EHMT1: variants seen among roughly 807,000 people sequenced by gnomAD.
EHMT1 encodes the protein euchromatic histone lysine methyltransferase 1.
EHMT1 carries 15 observed loss-of-function variants against 147.2 expected under a neutral mutation model. The observed-to-expected ratio is 0.10, with a 90% CI of 0.07 to 0.16. EHMT1 has a LOEUF of 0.16. Among genes scored for constraint, EHMT1 ranks in the 10% least tolerant of loss-of-function variants. The probability of loss-of-function intolerance (pLI) is 1.00; values close to 1 mark genes in which losing one functional copy is unlikely to be tolerated. For missense variants in EHMT1, 1,587 were observed against 1,772.4 expected (o/e 0.90, Z 1.88); for synonymous variants, 795 against 709.6 (o/e 1.12, Z -1.91).
At chr9:137,685,545 G>A (rs1483015525) in intron 1 of EHMT1, among the ~76,000 whole-genome samples, 1 of 152,166 alleles carries the variant, frequency 6.6e-6, no homozygotes, top group Non-Finnish European at 1.5e-5. Flanking sequence ...ACATGTATAT[G>A]CGAGTATCTG....
At chr9:137,677,372 G>T (rs544877828) in intron 1 of EHMT1, among the ~76,000 whole-genome samples, 1 of 152,164 alleles carries the variant, frequency 6.6e-6, no homozygotes, top group South Asian at 2.1e-4. Context: ...TGGACTCCAG[G>T]GATCTGCCTA....
At chr9:137,790,818 T>G in intron 15 of EHMT1, 30 bp from the exon 16 acceptor site, 1 of 1,614,104 alleles carries the variant, frequency 6.2e-7, no homozygotes, top group Non-Finnish European at 8.5e-7. Flanking sequence ...GTCACAGCCC[T>G]CCCATACACC....
chr9:137,666,157 C>T (rs556509568), intron 1 of EHMT1: 1 of 152,266 alleles, frequency 6.6e-6, no homozygotes, highest in African/African-American at 2.4e-5. Context: ...GTGGGGACAC[C>T]TCCTTGTCCT....
At chr9:137,683,681 C>T (rs1942176065) in intron 1 of EHMT1, among the ~76,000 whole-genome samples, 1 of 152,052 alleles carries the variant, frequency 6.6e-6, no homozygotes. Flanking sequence ...TAAATTATAC[C>T]TTTATCAGCG....
Position 137,813,182 on chromosome 9 carries a change from A to G in EHMT1, c.3035+9A>G, listed in dbSNP as rs1954630555. ...GAGAGGATAGTGAGCAGGTGAGCCC[A>G]GCCCCAGGACGGCTTTGTGGCAAAT... On this transcript the variant is annotated intron_variant, in intron 20 of 26. Coordinates refer to ENST00000460843, the MANE Select transcript of EHMT1 (RefSeq NM_024757.5). This position sits in a 1 kb window ranked among gnomAD's most constrained non-coding sequence, Gnocchi z 4.9. The G allele has an allele frequency of 6.2e-7, 1 of 1,607,698 alleles. No homozygotes were observed. The highest frequency in any genetic ancestry group is 2.2e-5 in the East Asian group (1 of 44,866).
rs1326305072 is a variant in EHMT1 at position 137,818,592 on chromosome 9, A to AGGG, written c.3540+456_3540+458dup. 1.8e-3 allele frequency among the ~76,000 whole-genome samples: 40 copies of AGGG among 21,738 alleles called. 2 individuals are homozygous for AGGG. In the East Asian group the frequency reaches 0.026, roughly 14 times the overall value. The allele number at this position is 21,738 out of a possible 152,430, so 14.3% of individuals were successfully genotyped here. On this transcript the variant is annotated intron_variant, in intron 25 of 26. Coordinates refer to ENST00000460843, the MANE Select transcript of EHMT1 (RefSeq NM_024757.5). ...ACCGAGACCGTAGAGAGGCCGATTG[A>AGGG]GGGGCGCCATGTACCGAGACCGTAG...
At chr9:137,711,396 C>G (rs529811480) in intron 2 of EHMT1, among the ~76,000 whole-genome samples, 2 of 152,260 alleles carry the variant, frequency 1.3e-5, no homozygotes, top group Non-Finnish European at 2.9e-5. Flanking sequence ...ATAAACAGAT[C>G]GTGGTACATC....
At chr9:137,783,391 C>A (rs542496870) in intron 15 of EHMT1, among the ~76,000 whole-genome samples, 1 of 152,372 alleles carries the variant, frequency 6.6e-6, no homozygotes, top group South Asian at 2.1e-4. Flanking sequence ...TGTGTGGTCA[C>A]ATTTTCAAAT....
intron 3 of EHMT1, among the ~76,000 whole-genome samples, chr9:137,724,951 C>T (rs28408931): frequency 9.1e-5 from 13 of 143,388 alleles, no homozygotes; most frequent in African/African-American, 2.4e-4. Flanking sequence ...GTGGGGCAGG[C>T]GTGTGGCATT....
At position 137,787,922 on chromosome 9, in the gene EHMT1, G is replaced by T. The variant is rs1588710022; in HGVS notation, c.2383-2926G>T. 1.3e-6 allele frequency: 2 copies of T among 1,488,766 alleles called. No individual in the cohort carries two copies. Among genetic ancestry groups the T allele is most frequent in the East Asian group, 2.3e-5 (1 of 44,080 alleles). The allele number at this position is 1,488,766 out of a possible 1,614,324, so 92.2% of individuals were successfully genotyped here. A position where few individuals can be genotyped will look rare whatever the true frequency, so the allele number is the denominator to read the frequency against. ...TGGGAGTGTAGATTGGCAAGTAGGA[G>T]GTGGGCAGCTGCCCCCAGAGGGAGG... On this transcript the variant is annotated intron_variant, in intron 15 of 26. Transcript: ENST00000460843. This position sits in a 1 kb window ranked among gnomAD's most constrained non-coding sequence, Gnocchi z 4.2.
intron 3 of EHMT1, among the ~76,000 whole-genome samples, chr9:137,726,752 G>C (rs1305063537): frequency 6.6e-6 from 1 of 152,156 alleles, no homozygotes. Flanking sequence ...CATTTCTCCA[G>C]TTCTCACAAC....
At chr9:137,788,175 C>T in intron 15 of EHMT1, 1 of 741,876 alleles carries the variant, frequency 1.3e-6, no homozygotes, top group Non-Finnish European at 2.1e-6. Flanking sequence ...GCACCCCGTA[C>T]CTGCCTGCAG....
At chr9:137,741,044 C>T in intron 4 of EHMT1, among the ~76,000 whole-genome samples, 1 of 150,430 alleles carries the variant, frequency 6.6e-6, no homozygotes, top group Non-Finnish European at 1.5e-5. Flanking sequence ...TGGTGCGATC[C>T]TGGCTCACTG....
rs1170029941 is a variant in EHMT1 at position 137,779,734 on chromosome 9, G to A, written c.2275+17G>A. On this transcript the variant is annotated intron_variant, in intron 14 of 26. Transcript: ENST00000460843. The stretch of plus-strand genomic sequence containing the variant: ...TCATGCTGGGTAAGTGCCTTCCTGC[G>A]GCCCGGGCACATGCAGCCGGCCCTG... The A allele has an allele frequency of 6.2e-6, 10 of 1,612,686 alleles. No homozygotes were observed. Among genetic ancestry groups the A allele is most frequent in the South Asian group, 2.2e-5 (2 of 91,072 alleles).
chr9:137,756,779 AT>A (rs1367220311), intron 8 of EHMT1, among the ~76,000 whole-genome samples: 1 of 152,184 alleles, frequency 6.6e-6, no homozygotes, highest in Non-Finnish European at 1.5e-5. Flanking sequence ...AGGAGTTTGA[AT>A]TTTATTTCTT....
chr9:137,723,249 C>T (rs1163328873), intron 3 of EHMT1, among the ~76,000 whole-genome samples: 4 of 69,076 alleles, frequency 5.8e-5, no homozygotes, highest in East Asian at 4.2e-4. Context: ...TGGGCCTGAG[C>T]CCGGGGTGTG....
intron 1 of EHMT1, among the ~76,000 whole-genome samples, chr9:137,644,648 T>C (rs554880117): frequency 6.6e-6 from 1 of 152,172 alleles, no homozygotes; most frequent in Admixed American, 6.5e-5. Context: ...ATACTTTTTA[T>C]GAGTTATGTA....
At chr9:137,711,680 T>C (rs1944740206) in intron 2 of EHMT1, among the ~76,000 whole-genome samples, 1 of 151,806 alleles carries the variant, frequency 6.6e-6, no homozygotes, top group Non-Finnish European at 1.5e-5. Context: ...CTGTAAGGCG[T>C]GGCGCACACA....
chr9:137,780,395 G>C (rs1430715288), intron 14 of EHMT1, among the ~76,000 whole-genome samples: 2 of 141,204 alleles, frequency 1.4e-5, no homozygotes, highest in African/African-American at 2.8e-5. Context: ...GCTGGGATGT[G>C]TGGTGATGAC....
Sources: gnomAD v4.1 joint callset for allele counts (sites outside exome capture counted in the v4.1 genomes callset) on GRCh38, gnomAD v4.1.1 for gene constraint, Gnocchi (gnomAD v3.1) non-coding constraint, MANE v1.5 for transcripts, NCBI Gene and HGNC (gene_info 2026-07-23, HGNC 2026-07-21) for gene names.